The following TGIF1 variants were observed in gnomAD, a reference collection of about 807,000 sequenced individuals.
TGIF1 encodes the protein TGFB induced factor homeobox 1.
Under a neutral mutation model 19.3 loss-of-function variants are expected in TGIF1, and 4 were observed. The ratio of observed to expected loss-of-function variants is 0.21; its 90% CI spans 0.10 to 0.47. The LOEUF is 0.47. TGIF1 is among the 20% of genes least tolerant of loss of function. TGIF1 has a pLI of 0.98. For synonymous variants in TGIF1, 122 were observed against 129.3 expected (o/e 0.94, Z 0.38); for missense variants, 275 against 341.4 (o/e 0.81, Z 1.53).
chr18:3,447,645 A>G (rs1331166692), upstream of TGIF1: 3 of 1,423,340 alleles, frequency 2.1e-6, no homozygotes, highest in Admixed American at 3.4e-5. Flanking sequence ...GGGTGCATCT[A>G]CGGGAGCGGT....
rs1225911714 is a variant in TGIF1, at chr18:3,458,987, T to G, written c.*1047T>G. ...GGATTGTCAGTTTATTAGGTGAGTATTTTCCAAGGTCTCAGTTTGTGAAAA... is the reference window on the plus strand; with the variant it reads ...GGATTGTCAGTTTATTAGGTGAGTAGTTTCCAAGGTCTCAGTTTGTGAAAA... On this transcript the variant is annotated 3_prime_UTR_variant, in exon 3 of 3. Transcript: ENST00000343820. 1 of 152,206 alleles carries G rather than the reference T, an allele frequency of 6.6e-6. No individual in the cohort carries two copies. Among genetic ancestry groups the G allele is most frequent in the Non-Finnish European group, 1.5e-5 (1 of 68,036 alleles). 9.4% of individuals were successfully genotyped at this position (152,206 alleles called of 1,614,324 possible). A position where few individuals can be genotyped will look rare whatever the true frequency, so the allele number is the denominator to read the frequency against.
chr18:3,451,426 G>C lies in TGIF1; in HGVS notation c.16+921G>C. 1.0e-6 allele frequency: 1 copy of C among 985,462 alleles called. No individual in the cohort carries two copies. Among genetic ancestry groups the C allele is most frequent in the Non-Finnish European group, 1.2e-6 (1 of 829,940 alleles). The allele number at this position is 985,462 out of a possible 1,614,324, so 61.0% of individuals were successfully genotyped here. On this transcript the variant is annotated intron_variant, in intron 1 of 2. Coordinates refer to ENST00000343820, the MANE Select transcript of TGIF1 (RefSeq NM_003244.4). The surrounding 1 kb of genome is among the most constrained non-coding windows in gnomAD (Gnocchi z 5.4). ...GTCCCTTTTGAAGTTAACAAAAATT[G>C]AGTCCCTGGCTGGGAGGTCCCCCGA...
At chr18:3,421,994 G>A (rs1281668499) in intron 2 of TGIF1, among the ~76,000 whole-genome samples, 2 of 151,912 alleles carry the variant, frequency 1.3e-5, no homozygotes, top group African/African-American at 4.8e-5. Flanking sequence ...AGGAGTTCGA[G>A]ACTAGCCTGG....
rs1264494505 is a variant in TGIF1 at position 3,456,006 on chromosome 18, TC to T, written c.17-346del. 12 of 372,080 alleles carry T rather than the reference TC, an allele frequency of 3.2e-5. No individual in the cohort carries two copies. The highest frequency in any genetic ancestry group is 5.2e-5 in the Non-Finnish European group (10 of 193,634). 23.0% of individuals were successfully genotyped at this position (372,080 alleles called of 1,614,324 possible). A position where few individuals can be genotyped will look rare whatever the true frequency, so the allele number is the denominator to read the frequency against. ...CATATTCCAACTGCCACAGCACCCT[TC>T]CTGTTTCAAATGTGGCAGGTTATTC... is the stretch of plus-strand genomic sequence containing the variant. On this transcript the variant is annotated intron_variant, in intron 1 of 2. Coordinates refer to ENST00000343820, the MANE Select transcript of TGIF1 (RefSeq NM_003244.4). The surrounding 1 kb of genome is among the most constrained non-coding windows in gnomAD (Gnocchi z 4.2).
chr18:3,433,057 C>CCTT (rs1168088521), intron 2 of TGIF1, among the ~76,000 whole-genome samples: 9 of 151,346 alleles, frequency 5.9e-5, no homozygotes, highest in South Asian at 2.1e-4. Context: ...CTGCGCCTGG[C>CCTT]CTTCTTCTTC....
chr18:3,448,702 T>C (rs2082799178), upstream of TGIF1: 3 of 751,848 alleles, frequency 4.0e-6, no homozygotes, highest in Non-Finnish European at 4.8e-6. Context: ...CCACGCATTC[T>C]AGGGGCGGGG....
At chr18:3,416,390 G>A (rs1160904285) in intron 1 of TGIF1, among the ~76,000 whole-genome samples, 3 of 152,180 alleles carry the variant, frequency 2.0e-5, no homozygotes, top group East Asian at 1.9e-4. Context: ...GTTATGGCAC[G>A]CGCCTGTAAT....
Position 3,459,251 on chromosome 18 carries a change from A to G in TGIF1, c.*1311A>G, listed in dbSNP as rs904688033. ...AAGTGTGAGGGAGCATCAGAGCTTC[A>G]GTATTGTTTAAAGAATGTAGAAAAA... On this transcript the variant is annotated 3_prime_UTR_variant, in exon 3 of 3. Transcript: ENST00000343820. The G allele has an allele frequency of 6.6e-6, 1 of 152,240 alleles. No individual in the cohort carries two copies. The highest frequency in any genetic ancestry group is 1.9e-4 in the East Asian group (1 of 5,206). The allele number at this position is 152,240 out of a possible 1,614,324, so 9.4% of individuals were successfully genotyped here. A position where few individuals can be genotyped will look rare whatever the true frequency, so the allele number is the denominator to read the frequency against.
At chr18:3,435,262 G>C (rs867206835) in intron 2 of TGIF1, among the ~76,000 whole-genome samples, 2 of 150,378 alleles carry the variant, frequency 1.3e-5, no homozygotes, top group African/African-American at 4.9e-5. Flanking sequence ...GTGTGATCTC[G>C]GCTCACTGCA....
intron 2 of TGIF1, among the ~76,000 whole-genome samples, chr18:3,437,107 AAAT>A (rs761638871): frequency 1.3e-5 from 2 of 152,008 alleles, no homozygotes; most frequent in East Asian, 1.9e-4. Flanking sequence ...TCCATCTCAA[AAAT>A]AATAATAATA....
In TGIF1 at chr18:3,456,942, GA is replaced by G. The variant is rs2049375969; in HGVS notation, c.243+367del. ...CTGTTGACACAGTCATTTGAACTGG[GA>G]AAAATCAGTTACTGGGAGGAGTGGC... On this transcript the variant is annotated intron_variant, in intron 2 of 2. Coordinates refer to ENST00000343820, the MANE Select transcript of TGIF1 (RefSeq NM_003244.4). This position sits in a 1 kb window ranked among gnomAD's most constrained non-coding sequence, Gnocchi z 4.2. The G allele has an allele frequency of 1.2e-5, 7 of 582,796 alleles. No individual in the cohort carries two copies. Among genetic ancestry groups the G allele is most frequent in the Non-Finnish European group, 1.8e-5 (6 of 331,520 alleles). 36.1% of individuals were successfully genotyped at this position (582,796 alleles called of 1,614,324 possible).
At chr18:3,448,027 C>T (rs921353194), upstream of TGIF1, 1 of 982,076 alleles carries the variant, frequency 1.0e-6, no homozygotes, top group African/African-American at 1.8e-5. Context: ...CAAGGAGAAC[C>T]ACGGGGAAGA....
intron 2 of TGIF1, among the ~76,000 whole-genome samples, chr18:3,440,838 C>T (rs1478163506): frequency 6.6e-6 from 1 of 152,208 alleles, no homozygotes; most frequent in African/African-American, 2.4e-5. Flanking sequence ...TTCCTCTCCA[C>T]ACTTACATCA....
chr18:3,420,238 A>G (rs114759359), intron 2 of TGIF1, among the ~76,000 whole-genome samples: 5,649 of 151,660 alleles, frequency 0.037, 371 homozygotes, highest in African/African-American at 0.13. Context: ...AAAATTAGTC[A>G]TGCTTGATGG....
upstream of TGIF1, chr18:3,449,500 C>T (rs1598891016): frequency 1.0e-6 from 1 of 985,490 alleles, no homozygotes; most frequent in Non-Finnish European, 1.2e-6. Context: ...AGCTTTAGCC[C>T]GGGGGAACAG....
chr18:3,418,406 GAAATTAAAA>G (rs1023367489), intron 2 of TGIF1: 9 of 152,190 alleles, frequency 5.9e-5, no homozygotes, highest in Non-Finnish European at 1.3e-4. Flanking sequence ...TGCTACCTCA[GAAATTAAAA>G]TGTGCAAATG....
chr18:3,435,923 T>C (rs1267868345), intron 2 of TGIF1, among the ~76,000 whole-genome samples: 1 of 152,106 alleles, frequency 6.6e-6, no homozygotes, highest in African/African-American at 2.4e-5. Flanking sequence ...TGCAGTGGCA[T>C]GATCATAGTT....
chr18:3,436,081 G>T (rs1035455748), intron 2 of TGIF1, among the ~76,000 whole-genome samples: 1 of 152,144 alleles, frequency 6.6e-6, no homozygotes, highest in East Asian at 1.9e-4. Flanking sequence ...TCCTCTGAAC[G>T]CCTGAGCACG....
chr18:3,450,528 G>A, intron 1 of TGIF1, 23 bp downstream of exon 1: 2 of 1,558,808 alleles, frequency 1.3e-6, no homozygotes, highest in African/African-American at 1.4e-5. Context: ...CGGGCTGCGC[G>A]CACCAGAAGA....
Sources: gnomAD v4.1 joint callset for allele counts (sites outside exome capture counted in the v4.1 genomes callset) on GRCh38, gnomAD v4.1.1 for gene constraint, Gnocchi (gnomAD v3.1) non-coding constraint, MANE v1.5 for transcripts, NCBI Gene and HGNC (gene_info 2026-07-23, HGNC 2026-07-21) for gene names.